KLHL1: variants seen among roughly 807,000 people sequenced by gnomAD.
The protein encoded by KLHL1 is kelch like family member 1, also known as kelch-like protein 1.
Under a neutral mutation model 77.7 loss-of-function variants are expected in KLHL1, and 47 were observed. The ratio of observed to expected loss-of-function variants is 0.60; its 90% confidence interval spans 0.48 to 0.77. KLHL1 has a LOEUF of 0.77. Ranked by LOEUF, KLHL1 falls within the 30% of genes least tolerant of loss-of-function variation. The pLI is 0.00. For synonymous variants in KLHL1, 360 were observed against 325.2 expected (o/e 1.11, Z -1.15); for missense variants, 925 against 910.8 (o/e 1.02, Z -0.20).
At chr13:70,088,388 TAA>T (rs34060557) in intron 1 of KLHL1, among the ~76,000 whole-genome samples, 10 of 150,972 alleles carry the variant, frequency 6.6e-5, no homozygotes, top group African/African-American at 2.2e-4. Flanking sequence ...TATACAAATA[TAA>T]AAAAAAAGGC....
At chr13:70,004,167 G>A (rs1017994575) in intron 1 of KLHL1, among the ~76,000 whole-genome samples, 2 of 151,814 alleles carry the variant, frequency 1.3e-5, no homozygotes, top group African/African-American at 2.4e-5. Context: ...ATTATCTAAT[G>A]ATTGGTGAAT....
chr13:69,819,317 T>C (rs987901422), intron 6 of KLHL1, among the ~76,000 whole-genome samples: 6 of 152,200 alleles, frequency 3.9e-5, no homozygotes, highest in African/African-American at 1.2e-4. Context: ...TTAAATTATA[T>C]GAAAATTAGA....
At chr13:69,939,950 T>TAAA in intron 4 of KLHL1, 90 bp downstream of exon 4, 1 of 1,005,992 alleles carries the variant, frequency 9.9e-7, no homozygotes, top group East Asian at 2.8e-5. Flanking sequence ...ATTTTAAACT[T>TAAA]AAAAAACTTG....
At chr13:69,989,590 G>A (rs1884973148) in intron 1 of KLHL1, among the ~76,000 whole-genome samples, 1 of 151,900 alleles carries the variant, frequency 6.6e-6, no homozygotes, top group Admixed American at 6.6e-5. Context: ...TCCTATCCAA[G>A]GATATGAAAT....
chr13:70,007,951 C>A (rs1303492469), intron 1 of KLHL1, among the ~76,000 whole-genome samples: 1 of 151,828 alleles, frequency 6.6e-6, no homozygotes. Context: ...AAAAATGCCA[C>A]ATTAGCTTAC....
chr13:69,973,517 C>T (rs1287676334), intron 2 of KLHL1, among the ~76,000 whole-genome samples: 2 of 151,162 alleles, frequency 1.3e-5, no homozygotes, highest in African/African-American at 4.8e-5. Context: ...GTAATGATTC[C>T]AACACCACAT....
intron 1 of KLHL1, among the ~76,000 whole-genome samples, chr13:70,029,608 A>T (rs1389828214): frequency 4.6e-5 from 7 of 152,192 alleles, no homozygotes; most frequent in Non-Finnish European, 8.8e-5. Context: ...AGGAAGCACT[A>T]AACATGGAAA....
At chr13:70,101,197 A>AC (rs775726163) in intron 1 of KLHL1, among the ~76,000 whole-genome samples, 57 of 152,280 alleles carry the variant, frequency 3.7e-4, no homozygotes, top group Non-Finnish European at 6.3e-4. Flanking sequence ...TTGAAATAGT[A>AC]CCATAGAAAG....
chr13:69,899,462 T>C (rs1231305604), intron 4 of KLHL1, among the ~76,000 whole-genome samples: 1 of 152,190 alleles, frequency 6.6e-6, no homozygotes, highest in Non-Finnish European at 1.5e-5. Flanking sequence ...TCTTACGGTC[T>C]TAAGTAGGGC....
At chr13:69,954,747 T>C (rs1336489606) in intron 3 of KLHL1, among the ~76,000 whole-genome samples, 2 of 151,196 alleles carry the variant, frequency 1.3e-5, no homozygotes, top group African/African-American at 4.8e-5. Flanking sequence ...TTATTGTCTA[T>C]TTTGGCACAA....
chr13:70,022,396 TA>T (rs150525288), intron 1 of KLHL1, among the ~76,000 whole-genome samples: 5 of 151,970 alleles, frequency 3.3e-5, no homozygotes, highest in African/African-American at 1.2e-4. Context: ...GATACTCACC[TA>T]TTTTGGGGAA....
intron 1 of KLHL1, among the ~76,000 whole-genome samples, chr13:70,004,535 CG>C (rs1165633523): frequency 1.3e-5 from 2 of 151,642 alleles, no homozygotes; most frequent in East Asian, 3.9e-4. Context: ...GACTAGTCCA[CG>C]TTTCCTTTTT....
chr13:69,795,031 G>A (rs74422537), intron 7 of KLHL1, among the ~76,000 whole-genome samples: 5 of 152,220 alleles, frequency 3.3e-5, no homozygotes, highest in Middle Eastern at 3.4e-3. Flanking sequence ...ATTTGAGTAC[G>A]ATACATAATG....
At chr13:69,936,527 T>G (rs1220722235) in intron 4 of KLHL1, among the ~76,000 whole-genome samples, 2 of 146,576 alleles carry the variant, frequency 1.4e-5, no homozygotes, top group Non-Finnish European at 3.0e-5. Context: ...AGGCGGAGGT[T>G]GCAGTGAGTG....
intron 1 of KLHL1, among the ~76,000 whole-genome samples, chr13:69,985,613 T>C: frequency 6.6e-6 from 1 of 151,436 alleles, no homozygotes; most frequent in African/African-American, 2.4e-5. Context: ...TACCATATGA[T>C]CCAGCAATTC....
chr13:69,726,273 A>G (rs987879589), intron 8 of KLHL1, among the ~76,000 whole-genome samples: 1 of 152,138 alleles, frequency 6.6e-6, no homozygotes, highest in African/African-American at 2.4e-5. Context: ...AAAGGATTAG[A>G]ATCCCTCAAC....
chr13:70,107,407 G>A lies in KLHL1; in HGVS notation c.293C>T (p.Pro98Leu). Residue 98 changes from proline (P) to leucine (L), a missense_variant, in exon 1 of 11, where the codon CCA (proline) becomes CTA (leucine). Pro to Leu is a moderately conservative substitution (Grantham distance 98). Coordinates refer to ENST00000377844, the MANE Select transcript of KLHL1 (RefSeq NM_020866.3). ...CCCTTGCTGCAGCCTCGTGGCAACT[G>A]GAAGCAGGGTGCCATTCAGCGGATT... ...SFNPLNGTLL[P>L]VATRLQQGAP... The A allele has an allele frequency of 6.2e-7, 1 of 1,613,210 alleles. No homozygotes were observed. Among genetic ancestry groups the A allele is most frequent in the Non-Finnish European group, 8.5e-7 (1 of 1,180,010 alleles).
intron 6 of KLHL1, among the ~76,000 whole-genome samples, chr13:69,814,075 C>G (rs74986263): frequency 6.6e-6 from 1 of 151,922 alleles, no homozygotes; most frequent in South Asian, 2.1e-4. Context: ...AGAATAGAGA[C>G]CCCTGAAATA....
Position 70,107,690 on chromosome 13 carries a change from A to G in KLHL1, c.10T>C (p.Ser4Pro). The part of the protein sequence containing the change: MSG[S>P]GRKDFDVKHI... ...TTCACATCGAAGTCTTTTCGCCCAG[A>G]GCCTGACATGCTTTACGCACAGAAG... The change falls in exon 1 of 11, where the codon TCT (serine) becomes CCT (proline). Residue 4 changes from serine (S) to proline (P), a missense_variant. By Grantham distance (74) the Ser-to-Pro change is moderately conservative (BLOSUM62 -1). Coordinates refer to ENST00000377844, the MANE Select transcript of KLHL1 (RefSeq NM_020866.3). 6.6e-7 allele frequency: 1 copy of G among 1,525,972 alleles called. No homozygotes were observed. The highest frequency in any genetic ancestry group is 8.8e-7 in the Non-Finnish European group (1 of 1,141,370). The allele number at this position is 1,525,972 out of a possible 1,614,324, so 94.5% of individuals were successfully genotyped here. A position where few individuals can be genotyped will look rare whatever the true frequency, so the allele number is the denominator to read the frequency against.
Sources: gnomAD v4.1 joint callset for allele counts (sites outside exome capture counted in the v4.1 genomes callset) on GRCh38, gnomAD v4.1.1 for gene constraint, MANE v1.5 for transcripts, NCBI Gene and HGNC (gene_info 2026-07-23, HGNC 2026-07-21) for gene names.